Variants in TAOK1 observed in about 807,000 individuals in gnomAD.
TAOK1 encodes the protein TAO kinase 1.
Under a neutral mutation model 138.3 loss-of-function variants are expected in TAOK1, and 21 were observed. That is an observed-to-expected ratio of 0.15 (90% CI 0.11 to 0.22). The LOEUF (loss-of-function observed/expected upper bound fraction) is 0.22, where lower values mean the gene tolerates loss of function less well. TAOK1 is among the 10% of genes least tolerant of loss of function. The probability of loss-of-function intolerance (pLI) is 1.00; values close to 1 mark genes in which losing one functional copy is unlikely to be tolerated. For synonymous variants in TAOK1, 361 were observed against 398.4 expected, an observed-to-expected ratio of 0.91 and a Z score of 1.12; for missense variants, 651 against 1,227.7, an observed-to-expected ratio of 0.53 and a Z score of 7.02.
intron 1 of TAOK1, among the ~76,000 whole-genome samples, chr17:29,442,157 C>T (rs9900965): frequency 0.24 from 35,972 of 151,590 alleles, 4,855 homozygotes; most frequent in East Asian, 0.65. Flanking sequence ...ATCCTCCCAC[C>T]TCAACCTCCT....
chr17:29,409,333 A>ATATATATATTT (rs1348702470), intron 1 of TAOK1, among the ~76,000 whole-genome samples: 1 of 59,056 alleles, frequency 1.7e-5, no homozygotes, highest in African/African-American at 6.7e-5. Flanking sequence ...ATATATATAT[A>ATATATATATTT]TTTTTTTTTT....
chr17:29,407,401 A>G (rs565219268), intron 1 of TAOK1, among the ~76,000 whole-genome samples: 2 of 152,108 alleles, frequency 1.3e-5, no homozygotes, highest in African/African-American at 4.8e-5. Context: ...CTGCCTCCCT[A>G]ACTCCATCCT....
chr17:29,454,126 T>C (rs528417740), intron 2 of TAOK1, among the ~76,000 whole-genome samples: 1 of 152,244 alleles, frequency 6.6e-6, no homozygotes, highest in South Asian at 2.1e-4. Flanking sequence ...CCCAACTTCA[T>C]TCTTTTGTGT....
At chr17:29,408,833 C>T (rs1905066787) in intron 1 of TAOK1, among the ~76,000 whole-genome samples, 1 of 152,048 alleles carries the variant, frequency 6.6e-6, no homozygotes, top group African/African-American at 2.4e-5. Flanking sequence ...CTGCCTCAGC[C>T]TCCCAAGTAG....
At chr17:29,448,140 C>T (rs1289296740) in intron 1 of TAOK1, among the ~76,000 whole-genome samples, 2 of 151,198 alleles carry the variant, frequency 1.3e-5, no homozygotes, top group Non-Finnish European at 2.9e-5. Flanking sequence ...TTTCTTCACA[C>T]TGGTTACAAA....
At chr17:29,475,470 A>G (rs2030924695) in intron 3 of TAOK1, among the ~76,000 whole-genome samples, 200 bp from the exon 4 acceptor site, 2 of 152,070 alleles carry the variant, frequency 1.3e-5, no homozygotes, top group Non-Finnish European at 2.9e-5. Flanking sequence ...AGCCCACAAG[A>G]TGGAGGTTGC....
At chr17:29,533,805 C>T (rs991741471) in intron 18 of TAOK1, among the ~76,000 whole-genome samples, 21 of 6,174 alleles carry the variant, frequency 3.4e-3, no homozygotes, top group Non-Finnish European at 5.5e-3. Context: ...AGTCCAGCTT[C>T]GGCTCGGCAT....
chr17:29,510,238 G>A (rs1327923409), intron 14 of TAOK1, among the ~76,000 whole-genome samples: 3 of 151,968 alleles, frequency 2.0e-5, no homozygotes, highest in South Asian at 2.1e-4. Flanking sequence ...TTAGCCAGGC[G>A]TGGTGTCACA....
At chr17:29,408,217 A>G (rs994660400) in intron 1 of TAOK1, among the ~76,000 whole-genome samples, 3 of 145,710 alleles carry the variant, frequency 2.1e-5, no homozygotes, top group Non-Finnish European at 4.5e-5. Context: ...GCACCTGGCC[A>G]TAAGGTTTTT....
chr17:29,483,493 G>A (rs1170501625), intron 8 of TAOK1, among the ~76,000 whole-genome samples: 1 of 152,168 alleles, frequency 6.6e-6, no homozygotes, highest in Non-Finnish European at 1.5e-5. Context: ...TCTAAAATAA[G>A]TATAGGGAAA....
intron 1 of TAOK1, among the ~76,000 whole-genome samples, chr17:29,403,160 C>CA (rs34253777): frequency 0.18 from 10,870 of 59,800 alleles, 1,617 homozygotes; most frequent in Middle Eastern, 0.25. Context: ...GATTTTGTCT[C>CA]AAAAAAAAAA....
chr17:29,444,786 C>A (rs1217702702), intron 1 of TAOK1, among the ~76,000 whole-genome samples: 2 of 152,162 alleles, frequency 1.3e-5, no homozygotes, highest in Non-Finnish European at 2.9e-5. Flanking sequence ...AATATTGAGT[C>A]ATTCACTCCA....
intron 1 of TAOK1, among the ~76,000 whole-genome samples, chr17:29,395,599 A>T (rs956029453): frequency 6.6e-6 from 1 of 151,562 alleles, no homozygotes; most frequent in Non-Finnish European, 1.5e-5. Context: ...TGAGATGTTC[A>T]TTAAGCAGAG....
intron 1 of TAOK1, among the ~76,000 whole-genome samples, chr17:29,430,205 G>C (rs1905780695): frequency 1.3e-5 from 2 of 152,220 alleles, no homozygotes; most frequent in Admixed American, 1.3e-4. Context: ...TATTGAAAAT[G>C]AAAGTACACT....
intron 1 of TAOK1, among the ~76,000 whole-genome samples, chr17:29,396,705 A>G (rs548989649): frequency 6.6e-6 from 1 of 152,314 alleles, no homozygotes; most frequent in African/African-American, 2.4e-5. Context: ...CACTTACTAT[A>G]TATTAATGTT....
chr17:29,531,242 C>T (rs2032101566), intron 18 of TAOK1, among the ~76,000 whole-genome samples: 1 of 151,494 alleles, frequency 6.6e-6, no homozygotes, highest in Non-Finnish European at 1.5e-5. Flanking sequence ...GCTGGGATTA[C>T]AGGCATGAGC....
At chr17:29,440,330 G>A (rs1442639855) in intron 1 of TAOK1, among the ~76,000 whole-genome samples, 3 of 152,074 alleles carry the variant, frequency 2.0e-5, no homozygotes, top group Admixed American at 6.6e-5. Flanking sequence ...AAACTTGAAG[G>A]AATGTAAGTG....
intron 6 of TAOK1, among the ~76,000 whole-genome samples, chr17:29,479,564 G>T (rs923185388): frequency 3.3e-5 from 5 of 152,040 alleles, no homozygotes; most frequent in African/African-American, 9.7e-5. Flanking sequence ...TCAACCTAAG[G>T]TTTTCTCAAA....
intron 18 of TAOK1, among the ~76,000 whole-genome samples, chr17:29,531,791 CT>C (rs34142856): frequency 0.38 from 56,219 of 149,270 alleles, 11,835 homozygotes; most frequent in Non-Finnish European, 0.48. Context: ...CCAGATAAGA[CT>C]TTTTAGGCAG....
Sources: allele counts gnomAD v4.1 joint callset (sites outside exome capture counted in the v4.1 genomes callset), GRCh38; gene constraint gnomAD v4.1.1; transcripts MANE v1.5; gene names NCBI Gene and HGNC (gene_info 2026-07-23, HGNC 2026-07-21).